NALF2: variants seen among roughly 807,000 people sequenced by gnomAD.
NALF2 encodes the protein NALCN channel auxiliary factor 2.
Under a neutral mutation model 24.8 loss-of-function variants are expected in NALF2, and 1 was observed. That is an observed-to-expected ratio of 0.04 (90% confidence interval 0.01 to 0.19). NALF2 has a LOEUF of 0.19. NALF2 is among the 10% of genes least tolerant of loss of function. The probability of loss-of-function intolerance (pLI) is 1.00; values close to 1 mark genes in which losing one functional copy is unlikely to be tolerated. For synonymous variants in NALF2, 254 were observed against 189.8 expected (o/e 1.34, Z -2.78); for missense variants, 458 against 409.6 (o/e 1.12, Z -1.02).
intron 1 of NALF2, among the ~76,000 whole-genome samples, chrX:69,510,022 T>C (rs1314129540): frequency 8.9e-6 from 1 of 111,995 alleles, no homozygotes; most frequent in East Asian, 2.8e-4. Flanking sequence ...GCTCAGTTTC[T>C]TCCTTTCAAA....
At chrX:69,522,424 G>C (rs1930746686) in intron 1 of NALF2, among the ~76,000 whole-genome samples, 2 of 111,940 alleles carry the variant, frequency 1.8e-5, no homozygotes, top group African/African-American at 3.3e-5. Flanking sequence ...GGCCCAAGAG[G>C]CTTGGTGGTG....
intron 1 of NALF2, among the ~76,000 whole-genome samples, chrX:69,507,350 G>A (rs1000326156): frequency 4.5e-5 from 5 of 111,495 alleles, no homozygotes; most frequent in African/African-American, 1.3e-4. Context: ...AAGGAAAAGG[G>A]TAGTTCCTCG....
In NALF2 at chrX:69,530,018, G is replaced by A. The variant is rs372592754; in HGVS notation, c.*62G>A. On this transcript the variant is annotated 3_prime_UTR_variant, in exon 3 of 3. Coordinates refer to ENST00000252338, the MANE Select transcript of NALF2 (RefSeq NM_015686.3). ...ATCAGCTCCAGCTCCCCCAGGTTGGGGGGGAGGGGGCTCCTCCCATGGGAG... is the reference window on the plus strand; with the variant it reads ...ATCAGCTCCAGCTCCCCCAGGTTGGAGGGGAGGGGGCTCCTCCCATGGGAG... 1.1e-6 allele frequency: 1 copy of A among 941,787 alleles called. No homozygotes were observed. The highest frequency in any genetic ancestry group is 1.4e-6 in the Non-Finnish European group (1 of 693,652). 77.6% of individuals were successfully genotyped at this position (941,787 alleles called of 1,213,427 possible). A position where few individuals can be genotyped will look rare whatever the true frequency, so the allele number is the denominator to read the frequency against.
intron 1 of NALF2, among the ~76,000 whole-genome samples, chrX:69,510,625 G>T (rs766520094): frequency 8.0e-5 from 9 of 111,855 alleles, no homozygotes; most frequent in East Asian, 2.9e-4. Flanking sequence ...GTCCCTGTTT[G>T]GGGGTAGAGG....
At position 69,505,169 on chromosome X, in the gene NALF2, G is replaced by T; in HGVS notation, c.-114G>T. ...CGGCCTGCCTCACCATGCAGCCCCC[G>T]AGGTAGAGCCTGGACGGCGCCGAGG... On this transcript the variant is annotated 5_prime_UTR_variant, in exon 1 of 3. Coordinates refer to ENST00000252338, the MANE Select transcript of NALF2 (RefSeq NM_015686.3). 1 of 755,497 alleles carries T rather than the reference G, an allele frequency of 1.3e-6. No homozygotes were observed. The highest frequency in any genetic ancestry group is 1.8e-6 in the Non-Finnish European group (1 of 557,996). The allele number at this position is 755,497 out of a possible 1,213,427, so 62.3% of individuals were successfully genotyped here.
chrX:69,530,132 G>T lies in NALF2; in HGVS notation c.*176G>T. On this transcript the variant is annotated 3_prime_UTR_variant, in exon 3 of 3. Coordinates refer to ENST00000252338, the MANE Select transcript of NALF2 (RefSeq NM_015686.3). Reference sequence around the variant, plus strand: ...CCCCAAAAGCAGCTCCAACAGAATGGCCAGAGGGCCTCAGGGAGCTGCAAA... The same window carrying T: ...CCCCAAAAGCAGCTCCAACAGAATGTCCAGAGGGCCTCAGGGAGCTGCAAA... The T allele has an allele frequency of 2.4e-6, 1 of 418,979 alleles. No homozygotes were observed. Among genetic ancestry groups the T allele is most frequent in the Non-Finnish European group, 4.1e-6 (1 of 245,824 alleles). 34.5% of individuals were successfully genotyped at this position (418,979 alleles called of 1,213,427 possible).
chrX:69,526,990 T>G (rs1001985001), intron 1 of NALF2, among the ~76,000 whole-genome samples: 2 of 112,159 alleles, frequency 1.8e-5, no homozygotes, highest in African/African-American at 6.5e-5. Flanking sequence ...CCACTCTTCC[T>G]CCTGTGTGGA....
At chrX:69,518,273 G>A (rs1462296860) in intron 1 of NALF2, among the ~76,000 whole-genome samples, 1 of 112,071 alleles carries the variant, frequency 8.9e-6, no homozygotes, top group African/African-American at 3.2e-5. Flanking sequence ...GTCTAGCGAG[G>A]TTGGTCAGGT....
At position 69,529,674 on chromosome X, in the gene NALF2, C is replaced by T. The variant is rs1177882494; in HGVS notation, c.1137C>T (p.Pro379=). 8.3e-7 allele frequency: 1 copy of T among 1,209,558 alleles called. No individual in the cohort carries two copies. The highest frequency in any genetic ancestry group is 2.2e-5 in the Admixed American group (1 of 45,921). The change falls in exon 3 of 3, where the codon CCC becomes CCT. Residue 379 remains proline, a synonymous_variant. Coordinates refer to ENST00000252338, the MANE Select transcript of NALF2 (RefSeq NM_015686.3). ...AGAAGTTCAAGGAGTCTGAGGCCCCCAAAACCCACCAGCAGCAATTCCACC... is the reference window on the plus strand; with the variant it reads ...AGAAGTTCAAGGAGTCTGAGGCCCCTAAAACCCACCAGCAGCAATTCCACC... ...KKKKFKESEA[P]KTHQQQFHHS... is the part of the protein sequence containing the mutation.
chrX:69,516,957 T>C (rs867287473), intron 1 of NALF2, among the ~76,000 whole-genome samples: 1 of 111,956 alleles, frequency 8.9e-6, no homozygotes, highest in Non-Finnish European at 1.9e-5. Flanking sequence ...CGTAGACTGA[T>C]TTTAGAGTCA....
chrX:69,520,581 T>G (rs963824634), intron 1 of NALF2, among the ~76,000 whole-genome samples: 1 of 111,827 alleles, frequency 8.9e-6, no homozygotes, highest in African/African-American at 3.3e-5. Flanking sequence ...AGCTGACTGC[T>G]GTGTCCAACT....
At chrX:69,528,923 C>T (rs972574325) in intron 1 of NALF2, 70 bp from the exon 2 acceptor site, 6 of 1,073,715 alleles carry the variant, frequency 5.6e-6, no homozygotes, top group Non-Finnish European at 7.4e-6. Flanking sequence ...ACAAGTAAGT[C>T]CTCCCATCCC....
rs968747922 is a variant in NALF2 at position 69,532,281 on chromosome X, C to G, written c.*2325C>G. ...GCTTCATGAGTAGGACTTTCTTGCA[C>G]TAGTTCCTATGACTGAGTCTCCAAA... On this transcript the variant is annotated 3_prime_UTR_variant, in exon 3 of 3. Coordinates refer to ENST00000252338, the MANE Select transcript of NALF2 (RefSeq NM_015686.3). 34 of 112,605 alleles carry G rather than the reference C, an allele frequency of 3.0e-4. No individual in the cohort carries two copies. The highest frequency in any genetic ancestry group is 1.1e-3 in the African/African-American group (33 of 30,916). The allele number at this position is 112,605 out of a possible 1,213,427, so 9.3% of individuals were successfully genotyped here. A position where few individuals can be genotyped will look rare whatever the true frequency, so the allele number is the denominator to read the frequency against.
In NALF2 at chrX:69,529,992, C is replaced by A; in HGVS notation, c.*36C>A. 9.3e-7 allele frequency: 1 copy of A among 1,074,140 alleles called. No homozygotes were observed. Among genetic ancestry groups the A allele is most frequent in the Non-Finnish European group, 1.3e-6 (1 of 799,740 alleles). 88.5% of individuals were successfully genotyped at this position (1,074,140 alleles called of 1,213,427 possible). ...GGAGGACAGACCTCCACCACACTGA[C>A]ATCAGCTCCAGCTCCCCCAGGTTGG... On this transcript the variant is annotated 3_prime_UTR_variant, in exon 3 of 3. Transcript: ENST00000252338.
intron 1 of NALF2, among the ~76,000 whole-genome samples, chrX:69,513,296 A>G (rs1453232144): frequency 8.9e-6 from 1 of 112,328 alleles, no homozygotes; most frequent in Admixed American, 9.4e-5. Context: ...TAGAGCTGGA[A>G]GGGAAAACGA....
In NALF2 at chrX:69,531,711, G is replaced by C. The variant is rs1930906669; in HGVS notation, c.*1755G>C. 1 of 111,443 alleles carries C rather than the reference G, an allele frequency of 9.0e-6. No homozygotes were observed. The highest frequency in any genetic ancestry group is 2.8e-4 in the East Asian group (1 of 3,515). The allele number at this position is 111,443 out of a possible 1,213,427, so 9.2% of individuals were successfully genotyped here. On this transcript the variant is annotated 3_prime_UTR_variant, in exon 3 of 3. Transcript: ENST00000252338. ...CAGACTGATTACATGAGACTGGGGA[G>C]TCCTTCCCTGCCAGTTTTCTCATTT... is the stretch of plus-strand genomic sequence containing the variant.
At chrX:69,528,072 G>A (rs1930834195) in intron 1 of NALF2, among the ~76,000 whole-genome samples, 1 of 110,263 alleles carries the variant, frequency 9.1e-6, no homozygotes, top group South Asian at 4.0e-4. Flanking sequence ...GGCCAGAGAT[G>A]TTGTGCAGTA....
In NALF2 at chrX:69,531,590, G is replaced by C. The variant is rs1930904417; in HGVS notation, c.*1634G>C. 1 of 112,554 alleles carries C rather than the reference G, an allele frequency of 8.9e-6. No homozygotes were observed. Among genetic ancestry groups the C allele is most frequent in the Non-Finnish European group, 1.9e-5 (1 of 53,283 alleles). The allele number at this position is 112,554 out of a possible 1,213,427, so 9.3% of individuals were successfully genotyped here. On this transcript the variant is annotated 3_prime_UTR_variant, in exon 3 of 3. Coordinates refer to ENST00000252338, the MANE Select transcript of NALF2 (RefSeq NM_015686.3). ...GGAGGGCGGGCCTGGAGCTGCGTGA[G>C]AGTGAAACCAAGAAGCGGATGGGGA...
In NALF2 at chrX:69,505,288, C is replaced by T; in HGVS notation, c.6C>T (p.Phe2=). The T allele has an allele frequency of 8.7e-6, 10 of 1,153,757 alleles. No homozygotes were observed. Among genetic ancestry groups the T allele is most frequent in the Admixed American group, 2.7e-5 (1 of 37,555 alleles). The part of the protein sequence containing the change: M[F]RGAWMWPGKD... The stretch of plus-strand genomic sequence containing the variant: ...AGCCCGGACCCCCCTGAAATATGTT[C>T]AGGGGCGCTTGGATGTGGCCCGGGA... Residue 2 remains phenylalanine (F), a synonymous_variant, in exon 1 of 3, where the codon TTC becomes TTT. Transcript: ENST00000252338.
Sources: gnomAD v4.1 joint callset for allele counts (sites outside exome capture counted in the v4.1 genomes callset) on GRCh38, gnomAD v4.1.1 for gene constraint, MANE v1.5 for transcripts, NCBI Gene and HGNC (gene_info 2026-07-23, HGNC 2026-07-21) for gene names.